The following JMJD1C variants were observed in gnomAD, a reference collection of about 807,000 sequenced individuals.
The protein encoded by JMJD1C is jumonji domain containing 1C, also known as jumonji domain-containing protein 1C.
JMJD1C carries 31 observed loss-of-function variants against 245.3 expected under a neutral mutation model. That is an observed-to-expected ratio of 0.13 (90% CI 0.09 to 0.17). The LOEUF (loss-of-function observed/expected upper bound fraction) is 0.17. Ranked by LOEUF, JMJD1C falls within the 10% of genes least tolerant of loss-of-function variation. The probability of loss-of-function intolerance (pLI) is 1.00; values close to 1 mark genes in which losing one functional copy is unlikely to be tolerated. For synonymous variants in JMJD1C, 1,057 were observed against 1,017.4 expected, an observed-to-expected ratio of 1.04 and a Z score of -0.74; for missense variants, 2,691 against 3,000.2, an observed-to-expected ratio of 0.90 and a Z score of 2.41.
At chr10:63,482,330 A>G (rs1200553230) in intron 1 of JMJD1C, among the ~76,000 whole-genome samples, 3 of 152,178 alleles carry the variant, frequency 2.0e-5, no homozygotes, top group African/African-American at 4.8e-5. Context: ...TATTTTAATA[A>G]TATTGTGGTT....
chr10:63,413,971 G>A (rs1330876677), intron 1 of JMJD1C, among the ~76,000 whole-genome samples: 1 of 149,626 alleles, frequency 6.7e-6, no homozygotes, highest in African/African-American at 2.5e-5. Flanking sequence ...TTTCTTAAAA[G>A]TATGCTATCA....
chr10:63,244,436 C>T (rs973200510), intron 3 of JMJD1C, among the ~76,000 whole-genome samples: 1 of 152,206 alleles, frequency 6.6e-6, no homozygotes, highest in Admixed American at 6.5e-5. Flanking sequence ...GCAAAAATAT[C>T]TAATTAAAGC....
chr10:63,222,628 G>T (rs1006917592), intron 3 of JMJD1C: 3 of 1,580,956 alleles, frequency 1.9e-6, no homozygotes, highest in Non-Finnish European at 2.6e-6. Context: ...CTGAATTTTT[G>T]GACATAATTA....
At chr10:63,308,609 GAAAA>G (rs58302652) in intron 2 of JMJD1C, among the ~76,000 whole-genome samples, 1 of 129,772 alleles carries the variant, frequency 7.7e-6, no homozygotes, top group Non-Finnish European at 1.6e-5. Flanking sequence ...GCTGCTATAG[GAAAA>G]AAAAAAAAAC....
intron 3 of JMJD1C, among the ~76,000 whole-genome samples, chr10:63,233,923 AAG>A (rs1850335135): frequency 6.6e-6 from 1 of 152,008 alleles, no homozygotes; most frequent in Admixed American, 6.6e-5. Flanking sequence ...TAATGAGAAA[AAG>A]AAACATTTAA....
At chr10:63,209,273 C>G (rs964317439) in intron 8 of JMJD1C, 38 bp from the exon 9 acceptor site, 1 of 1,550,662 alleles carries the variant, frequency 6.4e-7, no homozygotes, top group Non-Finnish European at 8.7e-7. Flanking sequence ...ACCTAGATTT[C>G]AGTTACTAGA....
chr10:63,238,620 A>C (rs1413092700), intron 3 of JMJD1C, among the ~76,000 whole-genome samples: 1 of 152,234 alleles, frequency 6.6e-6, no homozygotes, highest in Non-Finnish European at 1.5e-5. Flanking sequence ...CAGAAAGACA[A>C]AATTTTAGTT....
intron 1 of JMJD1C, among the ~76,000 whole-genome samples, chr10:63,391,766 T>A (rs923735068): frequency 6.6e-6 from 1 of 152,046 alleles, no homozygotes; most frequent in African/African-American, 2.4e-5. Context: ...AATACCAACA[T>A]CATTTTTCAC....
chr10:63,453,718 G>GA (rs1275636953), intron 1 of JMJD1C, among the ~76,000 whole-genome samples: 1 of 152,098 alleles, frequency 6.6e-6, no homozygotes, highest in African/African-American at 2.4e-5. Flanking sequence ...ACTTGCATGT[G>GA]AAAAAGCAAT....
intron 10 of JMJD1C, among the ~76,000 whole-genome samples, chr10:63,201,138 G>A (rs1871343): frequency 0.99 from 150,046 of 152,320 alleles, 73,938 homozygotes; most frequent in Middle Eastern, 1. Flanking sequence ...TAGTTTCAAC[G>A]TATTTCTATT....
chr10:63,386,026 T>G (rs191855020), intron 1 of JMJD1C, among the ~76,000 whole-genome samples: 1 of 152,062 alleles, frequency 6.6e-6, no homozygotes, highest in African/African-American at 2.4e-5. Context: ...GATTCACTAT[T>G]GTAAAGAATA....
At chr10:63,366,588 G>A (rs1188424967) in intron 2 of JMJD1C, among the ~76,000 whole-genome samples, 1 of 152,186 alleles carries the variant, frequency 6.6e-6, no homozygotes, top group Admixed American at 6.5e-5. Context: ...ACTGAATGAA[G>A]AGAAAGAATG....
chr10:63,386,453 G>A (rs1231660863), intron 1 of JMJD1C, among the ~76,000 whole-genome samples: 1 of 152,200 alleles, frequency 6.6e-6, no homozygotes, highest in African/African-American at 2.4e-5. Flanking sequence ...CACAGCCAGT[G>A]CCTGCACAAA....
At chr10:63,339,168 T>C (rs1943145715) in intron 2 of JMJD1C, among the ~76,000 whole-genome samples, 2 of 152,194 alleles carry the variant, frequency 1.3e-5, no homozygotes, top group Admixed American at 6.5e-5. Context: ...AAGATGGTAC[T>C]GTATACACCA....
rs200925734 is a variant in JMJD1C, at chr10:63,213,854, T to C, written c.2313A>G (p.Gln771=). Residue 771 remains glutamine, a synonymous_variant, in exon 8 of 26, where the codon CAA becomes CAG. Transcript: ENST00000399262. ...APHLLAGSSS[Q]TPLPTINTHP... is the part of the protein sequence containing the mutation. ...GAGTGTTAATGGTAGGTAATGGAGTTTGACTAGATGATCCGGCTAGTAAAT... is the reference window on the plus strand; with the variant it reads ...GAGTGTTAATGGTAGGTAATGGAGTCTGACTAGATGATCCGGCTAGTAAAT... 74 of 1,613,926 alleles carry C rather than the reference T, an allele frequency of 4.6e-5. No homozygotes were observed. The East Asian group carries it at 1.6e-3, about 35-fold the overall frequency.
intron 2 of JMJD1C, among the ~76,000 whole-genome samples, chr10:63,373,451 T>C (rs1156925749): frequency 2.6e-5 from 4 of 152,222 alleles, no homozygotes; most frequent in Non-Finnish European, 5.9e-5. Context: ...TTTGTTTTTG[T>C]CTTGTCATGA....
intron 1 of JMJD1C, among the ~76,000 whole-genome samples, chr10:63,408,577 C>T (rs1188602038): frequency 2.6e-5 from 4 of 152,028 alleles, no homozygotes; most frequent in Non-Finnish European, 5.9e-5. Flanking sequence ...ATTAATGCTT[C>T]CCAAATTCTG....
intron 1 of JMJD1C, among the ~76,000 whole-genome samples, chr10:63,471,681 TA>T (rs1238988415): frequency 6.6e-6 from 1 of 152,232 alleles, no homozygotes; most frequent in Non-Finnish European, 1.5e-5. Context: ...TAACAGTTTT[TA>T]AACATCATTG....
At chr10:63,374,204 A>T (rs901132951) in intron 2 of JMJD1C, among the ~76,000 whole-genome samples, 2 of 152,190 alleles carry the variant, frequency 1.3e-5, no homozygotes, top group Non-Finnish European at 2.9e-5. Context: ...AAAAACTCAA[A>T]ACCCTAATAA....
Sources: gnomAD v4.1 joint callset for allele counts (sites outside exome capture counted in the v4.1 genomes callset) on GRCh38, gnomAD v4.1.1 for gene constraint, MANE v1.5 for transcripts, NCBI Gene and HGNC (gene_info 2026-07-23, HGNC 2026-07-21) for gene names.